Variants in RAPGEF6 observed in about 807,000 individuals in gnomAD.
The protein encoded by RAPGEF6 is PDZ domain containing guanine nucleotide exchange factor (GEF) 2.
A neutral mutation model predicts 171.4 loss-of-function variants in RAPGEF6; 56 were observed. The observed-to-expected ratio is 0.33, with a 90% CI of 0.26 to 0.41. The LOEUF is 0.41. Ranked by LOEUF, RAPGEF6 falls within the 10% of genes least tolerant of loss-of-function variation. RAPGEF6 has a pLI of 1.00. For missense variants in RAPGEF6, 1,674 were observed against 1,921.4 expected (o/e 0.87, Z 2.41); for synonymous variants, 692 against 650.1 (o/e 1.06, Z -0.98).
At chr5:131,531,465 C>CT (rs1330242521) in intron 6 of RAPGEF6, among the ~76,000 whole-genome samples, 2 of 152,016 alleles carry the variant, frequency 1.3e-5, no homozygotes, top group Admixed American at 1.3e-4. Flanking sequence ...TAGCACTTTG[C>CT]TTTTTTGTGA....
chr5:131,455,810 G>C lies in RAPGEF6; in HGVS notation c.3067C>G (p.Leu1023Val), dbSNP rs753406125. ...AATAATGTTTTCATACCTTCATGTA[G>C]AAATGTCATATCTTTCTTGACAACA... ...FPVVKKDMTF[L>V]HEGNDSKVDG... The change falls in exon 20 of 28, where the codon CTA (leucine) becomes GTA (valine). Residue 1023 changes from leucine to valine, a missense_variant. Leu to Val is a conservative substitution (Grantham distance 32). This residue lies in a region of RAPGEF6 where 1,116 missense variants were observed against 1,321.5 expected (regional missense o/e 0.84). Transcript: ENST00000509018. The C allele has an allele frequency of 1.9e-6, 3 of 1,610,222 alleles. No homozygotes were observed. Among genetic ancestry groups the C allele is most frequent in the Non-Finnish European group, 1.7e-6 (2 of 1,177,038 alleles).
At chr5:131,500,905 TG>T (rs1250853948) in intron 11 of RAPGEF6, among the ~76,000 whole-genome samples, 3 of 151,560 alleles carry the variant, frequency 2.0e-5, no homozygotes, top group Non-Finnish European at 4.4e-5. Context: ...ATGAACTGAA[TG>T]AAGAAATGAA....
chr5:131,504,734 A>G lies in RAPGEF6; in HGVS notation c.1146T>C (p.His382=). The change falls in exon 11 of 28, where the codon CAT becomes CAC. Residue 382 remains histidine (H), a synonymous_variant. Transcript: ENST00000509018. ...CAACTTTATGGGTATTTTTTTCCAC[A>G]TGGTTTAAAATTCTCCAATAATCTT... ...AQQDYWRILN[H]VEKNTHKVEE... 1.2e-6 allele frequency: 2 copies of G among 1,613,688 alleles called. No homozygotes were observed. Among genetic ancestry groups the G allele is most frequent in the East Asian group, 2.2e-5 (1 of 44,854 alleles).
At chr5:131,436,399 A>C (rs1053495699) in intron 24 of RAPGEF6, 1 of 1,530,516 alleles carries the variant, frequency 6.5e-7, no homozygotes, top group Non-Finnish European at 8.8e-7. Flanking sequence ...GAGAGATGCA[A>C]AAACCCTGAC....
chr5:131,587,698 CCT>C (rs1338032144), intron 4 of RAPGEF6, among the ~76,000 whole-genome samples: 1 of 152,148 alleles, frequency 6.6e-6, no homozygotes, highest in African/African-American at 2.4e-5. Context: ...TTCTCTTGCC[CCT>C]CTTTCTCCCT....
At chr5:131,603,188 C>T in intron 3 of RAPGEF6, 83 bp downstream of exon 3, 4 of 1,029,016 alleles carry the variant, frequency 3.9e-6, no homozygotes, top group South Asian at 2.9e-5. Context: ...ATAAATTGTC[C>T]CAGAATCAAA....
chr5:131,606,054 GAAAAA>G (rs1764552917), intron 1 of RAPGEF6, among the ~76,000 whole-genome samples: 1 of 119,640 alleles, frequency 8.4e-6, no homozygotes, highest in African/African-American at 3.8e-5. Context: ...AAAAAAAAAA[GAAAAA>G]GAAAAGAAAA....
Position 131,546,981 on chromosome 5 carries a change from T to C in RAPGEF6, c.495+1066A>G, listed in dbSNP as rs1269454931. Among the ~76,000 whole-genome samples the C allele has an allele frequency of 5.9e-5, 9 of 152,174 alleles. No individual in the cohort carries two copies. The East Asian group carries it at 1.7e-3, about 29-fold the overall frequency. Reference sequence around the variant, plus strand: ...GTAAAGCAAAATATGTCACCTTAATTAGTGATGGGAAATTTACAATACAAA... The same window carrying C: ...GTAAAGCAAAATATGTCACCTTAATCAGTGATGGGAAATTTACAATACAAA... On this transcript the variant is annotated intron_variant, in intron 6 of 27. Transcript: ENST00000509018.
chr5:131,545,685 T>C (rs1342937182), intron 6 of RAPGEF6, among the ~76,000 whole-genome samples: 2 of 152,226 alleles, frequency 1.3e-5, no homozygotes, highest in Non-Finnish European at 2.9e-5. Context: ...AATGAAACCT[T>C]CAATACCATA....
chr5:131,541,432 C>T (rs1184035197), intron 6 of RAPGEF6, among the ~76,000 whole-genome samples: 1 of 152,098 alleles, frequency 6.6e-6, no homozygotes, highest in African/African-American at 2.4e-5. Context: ...CATAATGGGG[C>T]CAGAAAGCTG....
chr5:131,564,149 G>A (rs1002093508), intron 4 of RAPGEF6, among the ~76,000 whole-genome samples: 19 of 152,286 alleles, frequency 1.2e-4, no homozygotes, highest in Middle Eastern at 3.4e-3. Flanking sequence ...GCTAATAAGC[G>A]TTTTGGGGTG....
intron 27 of RAPGEF6, 124 bp from the exon 28 acceptor site, chr5:131,427,415 C>T (rs1751443334): frequency 1.3e-6 from 1 of 759,520 alleles, no homozygotes; most frequent in Admixed American, 2.7e-5. Context: ...CATCGAGGCC[C>T]AGATTTTATT....
intron 5 of RAPGEF6, 133 bp from the exon 6 acceptor site, chr5:131,548,323 T>C (rs1331246535): frequency 6.3e-6 from 5 of 797,630 alleles, no homozygotes; most frequent in African/African-American, 1.7e-5. Flanking sequence ...AAACAGTCTG[T>C]ATAGCACAAC....
intron 6 of RAPGEF6, among the ~76,000 whole-genome samples, chr5:131,531,063 G>T (rs1759335714): frequency 6.6e-6 from 1 of 152,132 alleles, no homozygotes; most frequent in Admixed American, 6.5e-5. Flanking sequence ...TTTGCCAAAT[G>T]GACAGTGAAT....
rs868443452 is a variant in RAPGEF6 at position 131,548,185 on chromosome 5, C to T, written c.357G>A (p.Glu119=). 14 of 1,613,596 alleles carry T rather than the reference C, an allele frequency of 8.7e-6. No homozygotes were observed. In the Middle Eastern group the frequency reaches 1.3e-3, roughly 152 times the overall value. ...VLEPSEMIVV[E]NAKDNEDSIL... is the part of the protein sequence containing the mutation. ...TACTATCTTCATTATCTTTGGCATTCTCTACCTGAAACACATGTTCATATT... is the reference window on the plus strand; with the variant it reads ...TACTATCTTCATTATCTTTGGCATTTTCTACCTGAAACACATGTTCATATT... The change falls in exon 6 of 28, where the codon GAG becomes GAA. Residue 119 remains glutamate, a synonymous_variant. Coordinates refer to ENST00000509018, the MANE Select transcript of RAPGEF6 (RefSeq NM_016340.6).
intron 1 of RAPGEF6, among the ~76,000 whole-genome samples, chr5:131,609,852 C>T (rs1764835770): frequency 6.6e-6 from 1 of 152,156 alleles, no homozygotes; most frequent in Admixed American, 6.5e-5. Flanking sequence ...GATCATAATC[C>T]AGGGGCTTCC....
At chr5:131,487,357 G>A (rs1276666598) in intron 15 of RAPGEF6, among the ~76,000 whole-genome samples, 14 of 152,066 alleles carry the variant, frequency 9.2e-5, no homozygotes, top group Admixed American at 9.2e-4. Flanking sequence ...GCTGGCTGGG[G>A]TGGCCAGCTT....
At chr5:131,631,988 A>T (rs553740234) in intron 1 of RAPGEF6, among the ~76,000 whole-genome samples, 1 of 150,644 alleles carries the variant, frequency 6.6e-6, no homozygotes, top group East Asian at 2.0e-4. Flanking sequence ...AGGCAGGAGA[A>T]TCGCTTGATC....
intron 1 of RAPGEF6, among the ~76,000 whole-genome samples, chr5:131,620,554 CTG>C (rs1765536573): frequency 6.6e-6 from 1 of 152,062 alleles, no homozygotes; most frequent in African/African-American, 2.4e-5. Flanking sequence ...CAGTGAATAA[CTG>C]AAATAACTGG....
Sources: gnomAD v4.1 joint callset for allele counts (sites outside exome capture counted in the v4.1 genomes callset) on GRCh38, gnomAD v4.1.1 for gene constraint, gnomAD v4.1.1 regional missense constraint, MANE v1.5 for transcripts, NCBI Gene and HGNC (gene_info 2026-07-23, HGNC 2026-07-21) for gene names.